The following CAMK2A variants were observed in gnomAD, a reference collection of about 807,000 sequenced individuals.
CAMK2A encodes calcium/calmodulin dependent protein kinase II alpha.
CAMK2A carries 7 observed loss-of-function variants against 79.2 expected under a neutral mutation model. The observed-to-expected ratio is 0.09, with a 90% CI of 0.05 to 0.17. The LOEUF is 0.17. CAMK2A is among the 10% of genes least tolerant of loss of function. The pLI is 1.00. For missense variants in CAMK2A, 214 were observed against 646.4 expected, an observed-to-expected ratio of 0.33 and a Z score of 7.25; for synonymous variants, 242 against 251.7, an observed-to-expected ratio of 0.96 and a Z score of 0.36.
chr5:150,257,498 T>C (rs1315068386), intron 4 of CAMK2A, 65 bp downstream of exon 4: 22 of 1,377,446 alleles, frequency 1.6e-5, no homozygotes, highest in East Asian at 1.2e-4. Context: ...AGAGGTCCAG[T>C]GAGGCCATCA....
chr5:150,247,631 G>C, intron 12 of CAMK2A, 141 bp downstream of exon 12: 1 of 652,554 alleles, frequency 1.5e-6, no homozygotes, highest in Non-Finnish European at 2.7e-6. Flanking sequence ...TGGCAGGTGA[G>C]CTAAGCCCTT....
chr5:150,245,284 G>A (rs548809129), intron 12 of CAMK2A, 83 bp from the exon 13 acceptor site: 24 of 1,344,448 alleles, frequency 1.8e-5, no homozygotes, highest in East Asian at 1.6e-4. Context: ...GCATCCACAC[G>A]CAGCCGGAGG....
At chr5:150,278,367 T>TA (rs900573145) in intron 1 of CAMK2A, among the ~76,000 whole-genome samples, 3 of 150,854 alleles carry the variant, frequency 2.0e-5, no homozygotes, top group African/African-American at 7.3e-5. Context: ...CTCCCTTTTT[T>TA]ATCTTCTGTT....
Position 150,284,019 on chromosome 5 carries a change from G to A in CAMK2A, c.62+5545C>T, listed in dbSNP as rs1314044402. ...CCTGGGCTGGGTCTCAGGAGGTTGG[G>A]CTGCACCTGCACTCAGCAGGTTGCC... On this transcript the variant is annotated intron_variant, in intron 1 of 18. Coordinates refer to ENST00000671881, the MANE Select transcript of CAMK2A (RefSeq NM_015981.4). The surrounding 1 kb of genome is among the most constrained non-coding windows in gnomAD (Gnocchi z 5.3). 6.6e-6 allele frequency among the ~76,000 whole-genome samples: 1 copy of A among 152,204 alleles called. No homozygotes were observed. The highest frequency in any genetic ancestry group is 1.9e-4 in the East Asian group (1 of 5,192).
intron 1 of CAMK2A, among the ~76,000 whole-genome samples, chr5:150,275,284 A>G (rs1580949836): frequency 6.6e-6 from 1 of 152,148 alleles, no homozygotes; most frequent in East Asian, 1.9e-4. Context: ...CTCCCCTGCT[A>G]TGCAGCCCCT....
At chr5:150,225,013 AT>A (rs1754522507) in intron 17 of CAMK2A, among the ~76,000 whole-genome samples, 1 of 151,392 alleles carries the variant, frequency 6.6e-6, no homozygotes, top group Non-Finnish European at 1.5e-5. Context: ...ATACAAAAAA[AT>A]AGCCAGTCTC....
In CAMK2A at chr5:150,256,132, G is replaced by A. The variant is rs892783842; in HGVS notation, c.411+441C>T. Among the ~76,000 whole-genome samples the A allele has an allele frequency of 3.9e-5, 6 of 152,170 alleles. No individual in the cohort carries two copies. Among genetic ancestry groups the A allele is most frequent in the Admixed American group, 6.5e-5 (1 of 15,278 alleles). Reference sequence around the variant, plus strand: ...AGAATGCATCTGTATACCAGGCCCCGTGCTATCTCATTTCATATCCTCACC... The same window carrying A: ...AGAATGCATCTGTATACCAGGCCCCATGCTATCTCATTTCATATCCTCACC... On this transcript the variant is annotated intron_variant, in intron 6 of 18. Transcript: ENST00000671881. The surrounding 1 kb of genome is among the most constrained non-coding windows in gnomAD (Gnocchi z 4.6).
chr5:150,261,026 A>G (rs1756284352), intron 3 of CAMK2A, among the ~76,000 whole-genome samples: 1 of 151,932 alleles, frequency 6.6e-6, no homozygotes, highest in Non-Finnish European at 1.5e-5. Flanking sequence ...AAGGAGCCAC[A>G]AGAAGACTGG....
At chr5:150,283,163 C>G (rs1580959563) in intron 1 of CAMK2A, among the ~76,000 whole-genome samples, 1 of 152,334 alleles carries the variant, frequency 6.6e-6, no homozygotes, top group East Asian at 1.9e-4. Context: ...TCCAGACAAT[C>G]TACAGGTTTT....
rs79354200 is a variant in CAMK2A, at chr5:150,221,875, C to T, written c.*835G>A. 0.02 allele frequency: 6,727 copies of T among 344,938 alleles called. 113 individuals carry two copies. The highest frequency in any genetic ancestry group is 0.046 in the Middle Eastern group (61 of 1,330). The allele number at this position is 344,938 out of a possible 1,614,324, so 21.4% of individuals were successfully genotyped here. ...GTTATTACATAAATATCCATTAACGCGAAATCCATTTACGAAATACACAGA... is the reference window on the plus strand; with the variant it reads ...GTTATTACATAAATATCCATTAACGTGAAATCCATTTACGAAATACACAGA... On this transcript the variant is annotated 3_prime_UTR_variant, in exon 19 of 19. Transcript: ENST00000671881.
intron 2 of CAMK2A, among the ~76,000 whole-genome samples, chr5:150,266,209 G>A (rs1332628127): frequency 1.3e-5 from 2 of 152,092 alleles, no homozygotes; most frequent in Admixed American, 6.6e-5. Context: ...CCTTGTTCAG[G>A]ATCTGCCACT....
At chr5:150,243,316 C>T (rs1190925648) in intron 13 of CAMK2A, among the ~76,000 whole-genome samples, 1 of 152,180 alleles carries the variant, frequency 6.6e-6, no homozygotes, top group Non-Finnish European at 1.5e-5. Flanking sequence ...TCCCCCAAAT[C>T]GGAACCAGGA....
At chr5:150,235,117 C>A (rs954048181) in intron 15 of CAMK2A, among the ~76,000 whole-genome samples, 3 of 152,204 alleles carry the variant, frequency 2.0e-5, no homozygotes, top group African/African-American at 7.2e-5. Flanking sequence ...CACTCTCTAT[C>A]CCCTCCCCAA....
At chr5:150,243,237 C>G (rs1000662201) in intron 13 of CAMK2A, among the ~76,000 whole-genome samples, 45 of 152,044 alleles carry the variant, frequency 3.0e-4, no homozygotes, top group Non-Finnish European at 2.9e-5. Context: ...GGCAGCTTCT[C>G]TCTCTACTTC....
chr5:150,247,619 C>T (rs909655698), intron 12 of CAMK2A, among the ~76,000 whole-genome samples, 153 bp downstream of exon 12: 51 of 152,112 alleles, frequency 3.4e-4, no homozygotes, highest in African/African-American at 1.1e-3. Context: ...GGGTACAGGC[C>T]GTGGCAGGTG....
chr5:150,239,761 G>C, intron 13 of CAMK2A, 25 bp from the exon 14 acceptor site: 1 of 1,610,444 alleles, frequency 6.2e-7, no homozygotes, highest in East Asian at 2.2e-5. Flanking sequence ...AGAAGAGATG[G>C]GACAGGAAAA....
rs1020086244 is a variant in CAMK2A at position 150,288,609 on chromosome 5, C to T, written c.62+955G>A. On this transcript the variant is annotated intron_variant, in intron 1 of 18. Coordinates refer to ENST00000671881, the MANE Select transcript of CAMK2A (RefSeq NM_015981.4). ...CACCTGCCTCCAGGGCCCCTCCCCC[C>T]GTGCTCCTGCTGCCTCAGCAGAAAC... Among the ~76,000 whole-genome samples, 87 of 152,202 alleles carry T rather than the reference C, an allele frequency of 5.7e-4. 1 individual carries two copies. The highest frequency in any genetic ancestry group is 5.6e-3 in the Admixed American group (85 of 15,270).
At position 150,233,927 on chromosome 5, in the gene CAMK2A, C is replaced by A. The variant is rs138007763; in HGVS notation, c.1067-2547G>T. On this transcript the variant is annotated intron_variant, in intron 15 of 18. Transcript: ENST00000671881. ...TCGTGGGTTCAAGCGATTCTCCTGC[C>A]TCAGCCTCCTGAGTAGCTGGGATTA... 5.2e-4 allele frequency among the ~76,000 whole-genome samples: 79 copies of A among 152,314 alleles called. 1 individual carries two copies. The East Asian group carries it at 0.015, about 28-fold the overall frequency.
rs1754426620 is a variant in CAMK2A, at chr5:150,223,233, G to A, written c.1238-16C>T. ...CGGGACCACACTGGAGGAGGGGATG[G>A]GAGGGGCAGAGGAGATGCAACCGGG... On this transcript the variant is annotated splice_polypyrimidine_tract_variant and intron_variant, in intron 17 of 18. Transcript: ENST00000671881. The surrounding 1 kb of genome is among the most constrained non-coding windows in gnomAD (Gnocchi z 4.1). 1.2e-5 allele frequency: 20 copies of A among 1,606,222 alleles called. No homozygotes were observed. The highest frequency in any genetic ancestry group is 1.7e-5 in the Non-Finnish European group (20 of 1,174,502).
Sources: allele counts gnomAD v4.1 joint callset (sites outside exome capture counted in the v4.1 genomes callset), GRCh38; gene constraint gnomAD v4.1.1; non-coding constraint Gnocchi (gnomAD v3.1); transcripts MANE v1.5; gene names NCBI Gene and HGNC (gene_info 2026-07-23, HGNC 2026-07-21).